Variants in GLRA1 observed in about 807,000 individuals in gnomAD.
The protein encoded by GLRA1 is glycine receptor subunit alpha-1.
Under a neutral mutation model 48.3 loss-of-function variants are expected in GLRA1, and 37 were observed. That is an observed-to-expected ratio of 0.77 (90% confidence interval 0.59 to 1.01). GLRA1 has a LOEUF of 1.01. Among genes scored for constraint, GLRA1 ranks in the 50% least tolerant of loss-of-function variants. GLRA1 has a pLI of 0.00. For synonymous variants in GLRA1, 196 were observed against 210.7 expected, an observed-to-expected ratio of 0.93 and a Z score of 0.60; for missense variants, 427 against 571.0, an observed-to-expected ratio of 0.75 and a Z score of 2.57.
chr5:151,895,798 T>C (rs762661778), intron 1 of GLRA1, among the ~76,000 whole-genome samples: 5 of 152,164 alleles, frequency 3.3e-5, no homozygotes, highest in African/African-American at 4.8e-5. Context: ...CATTCAGCAC[T>C]GGACTCATGG....
At chr5:151,889,096 G>A (rs1182654549) in intron 2 of GLRA1, among the ~76,000 whole-genome samples, 2 of 152,178 alleles carry the variant, frequency 1.3e-5, no homozygotes, top group African/African-American at 4.8e-5. Context: ...GTCTGGCACT[G>A]TGACTCCCAT....
intron 7 of GLRA1, among the ~76,000 whole-genome samples, chr5:151,834,662 C>T (rs992929234): frequency 1.3e-5 from 2 of 151,990 alleles, no homozygotes; most frequent in Non-Finnish European, 2.9e-5. Context: ...ATGAAAAACC[C>T]TTCAAAAAAT....
chr5:151,839,738 A>G (rs921035458), intron 7 of GLRA1, among the ~76,000 whole-genome samples: 4 of 152,160 alleles, frequency 2.6e-5, no homozygotes, highest in Non-Finnish European at 5.9e-5. Flanking sequence ...TTTAGGGAAG[A>G]AGAGATACCA....
chr5:151,851,737 T>C, intron 6 of GLRA1, 133 bp from the exon 7 acceptor site: 1 of 700,450 alleles, frequency 1.4e-6, no homozygotes, highest in East Asian at 2.7e-5. Flanking sequence ...ATTTGAATTG[T>C]TCTGTATCTG....
At chr5:151,898,116 T>G (rs1754268970) in intron 1 of GLRA1, among the ~76,000 whole-genome samples, 1 of 152,186 alleles carries the variant, frequency 6.6e-6, no homozygotes, top group Admixed American at 6.5e-5. Context: ...CTTCCCTTGT[T>G]GGCTTTCAGT....
rs189725045 is a variant in GLRA1 at position 151,913,015 on chromosome 5, G to C, written c.56+11479C>G. Reference sequence around the variant, plus strand: ...AGGAAGAAGAGTCCGTGCCCAGCTGGGGCTAGGTATAGAGGCAATCCAGGG... The same window carrying C: ...AGGAAGAAGAGTCCGTGCCCAGCTGCGGCTAGGTATAGAGGCAATCCAGGG... On this transcript the variant is annotated intron_variant, in intron 1 of 8. Coordinates refer to ENST00000274576, the MANE Select transcript of GLRA1 (RefSeq NM_000171.4). Among the ~76,000 whole-genome samples, 280 of 152,296 alleles carry C rather than the reference G, an allele frequency of 1.8e-3. 1 individual carries two copies. The highest frequency in any genetic ancestry group is 3.1e-3 in the Non-Finnish European group (210 of 68,022).
At chr5:151,841,491 G>C (rs1763712342) in intron 7 of GLRA1, among the ~76,000 whole-genome samples, 1 of 151,954 alleles carries the variant, frequency 6.6e-6, no homozygotes, top group African/African-American at 2.4e-5. Context: ...GATTGGAATG[G>C]TAATAAGTAG....
intron 1 of GLRA1, among the ~76,000 whole-genome samples, chr5:151,897,668 AT>A (rs1374624590): frequency 3.9e-5 from 6 of 152,212 alleles, no homozygotes; most frequent in Admixed American, 6.5e-5. Flanking sequence ...GCAATCTGGC[AT>A]TGCTTTGAAG....
chr5:151,906,961 C>T (rs1754486789), intron 1 of GLRA1, among the ~76,000 whole-genome samples: 1 of 152,134 alleles, frequency 6.6e-6, no homozygotes, highest in Non-Finnish European at 1.5e-5. Context: ...TAGAGCCATC[C>T]AACAATGGAA....
intron 1 of GLRA1, among the ~76,000 whole-genome samples, chr5:151,922,260 C>T (rs1428253331): frequency 6.6e-6 from 1 of 152,198 alleles, no homozygotes; most frequent in East Asian, 1.9e-4. Context: ...CATCTACCCC[C>T]AAATACATTC....
chr5:151,838,739 A>T (rs528849311), intron 7 of GLRA1, among the ~76,000 whole-genome samples: 4 of 152,294 alleles, frequency 2.6e-5, no homozygotes, highest in East Asian at 1.9e-4. Context: ...AAGAATATTT[A>T]AAAAAATAGT....
chr5:151,858,505 G>A (rs1301083019), intron 4 of GLRA1, among the ~76,000 whole-genome samples: 2 of 152,122 alleles, frequency 1.3e-5, no homozygotes, highest in African/African-American at 4.8e-5. Context: ...TACCATCCCC[G>A]CAGCCAGCTG....
At chr5:151,856,506 T>C (rs1256026806) in intron 4 of GLRA1, 123 bp from the exon 5 acceptor site, 2 of 662,240 alleles carry the variant, frequency 3.0e-6, no homozygotes, top group Non-Finnish European at 5.7e-6. Context: ...GGAACTTGTG[T>C]TTGTTTTTTT....
At chr5:151,841,780 T>G (rs1763716727) in intron 7 of GLRA1, among the ~76,000 whole-genome samples, 2 of 152,036 alleles carry the variant, frequency 1.3e-5, no homozygotes, top group African/African-American at 4.8e-5. Context: ...ATAGAGGCCA[T>G]TCATGGTGGC....
intron 1 of GLRA1, among the ~76,000 whole-genome samples, chr5:151,900,124 A>G (rs1400112637): frequency 2.6e-5 from 4 of 152,154 alleles, no homozygotes; most frequent in African/African-American, 9.7e-5. Flanking sequence ...GCCTTATCGT[A>G]TGTATCCCCA....
Position 151,822,554 on chromosome 5 carries a change from C to A in GLRA1, c.*119G>T. 1.3e-6 allele frequency: 1 copy of A among 755,340 alleles called. No homozygotes were observed. The highest frequency in any genetic ancestry group is 3.6e-4 in the Middle Eastern group (1 of 2,786). The allele number at this position is 755,340 out of a possible 1,614,324, so 46.8% of individuals were successfully genotyped here. A position where few individuals can be genotyped will look rare whatever the true frequency, so the allele number is the denominator to read the frequency against. On this transcript the variant is annotated 3_prime_UTR_variant, in exon 9 of 9. Coordinates refer to ENST00000274576, the MANE Select transcript of GLRA1 (RefSeq NM_000171.4). ...CTGCATTTTGCTATTGCACATATTG[C>A]AGAGAGAGTTGTGTAAGTGTGCCCC...
chr5:151,851,230 A>C (rs1752900141), intron 7 of GLRA1, among the ~76,000 whole-genome samples, 160 bp downstream of exon 7: 1 of 152,226 alleles, frequency 6.6e-6, no homozygotes, highest in Non-Finnish European at 1.5e-5. Context: ...GATGGATCAG[A>C]AAAGTGTAGA....
In GLRA1 at chr5:151,864,640, C is replaced by T. The variant is rs78128493; in HGVS notation, c.253-4632G>A. 1.4e-3 allele frequency among the ~76,000 whole-genome samples: 206 copies of T among 152,336 alleles called. 8 individuals are homozygous for T. The East Asian group carries it at 0.038, about 28-fold the overall frequency. The stretch of plus-strand genomic sequence containing the variant: ...GCCTTCTCAGCTTAAGGCTTATCTC[C>T]TGCAGGAGACTTGATGCCCCAGGCT... On this transcript the variant is annotated intron_variant, in intron 3 of 8. Coordinates refer to ENST00000274576, the MANE Select transcript of GLRA1 (RefSeq NM_000171.4).
intron 6 of GLRA1, among the ~76,000 whole-genome samples, chr5:151,854,150 T>C (rs1167021835): frequency 6.6e-6 from 1 of 152,232 alleles, no homozygotes; most frequent in South Asian, 2.1e-4. Flanking sequence ...CTTTCATGGC[T>C]GCTATGGGAA....
Sources: gnomAD v4.1 joint callset for allele counts (sites outside exome capture counted in the v4.1 genomes callset) on GRCh38, gnomAD v4.1.1 for gene constraint, MANE v1.5 for transcripts, NCBI Gene and HGNC (gene_info 2026-07-23, HGNC 2026-07-21) for gene names.